IL15: variants seen among roughly 807,000 people sequenced by gnomAD.
IL15 encodes interleukin-15.
Under a neutral mutation model 19.6 loss-of-function variants are expected in IL15, and 11 were observed. The observed-to-expected ratio is 0.56, with a 90% confidence interval of 0.35 to 0.93. IL15 has a LOEUF of 0.93. Ranked by LOEUF, IL15 falls within the 40% of genes least tolerant of loss-of-function variation. The pLI is 0.01. For synonymous variants in IL15, 58 were observed against 59.6 expected, an observed-to-expected ratio of 0.97 and a Z score of 0.12; for missense variants, 197 against 186.5, an observed-to-expected ratio of 1.06 and a Z score of -0.33.
intron 1 of IL15, among the ~76,000 whole-genome samples, chr4:141,644,788 A>G (rs1287870408): frequency 2.0e-5 from 3 of 152,140 alleles, no homozygotes; most frequent in Non-Finnish European, 2.9e-5. Context: ...TTAAAAAAAT[A>G]CCATTTCAAA....
intron 2 of IL15, among the ~76,000 whole-genome samples, chr4:141,681,064 A>G (rs1388304576): frequency 1.3e-5 from 2 of 152,122 alleles, no homozygotes; most frequent in Non-Finnish European, 2.9e-5. Context: ...AGCCCAGCCA[A>G]TATGCATTTA....
At chr4:141,688,651 G>A (rs963173384) in intron 2 of IL15, among the ~76,000 whole-genome samples, 1 of 119,650 alleles carries the variant, frequency 8.4e-6, no homozygotes, top group African/African-American at 2.9e-5. Context: ...TGGAACTCAT[G>A]GTTTTAGACC....
intron 2 of IL15, among the ~76,000 whole-genome samples, chr4:141,693,643 G>A (rs1728999637): frequency 6.6e-6 from 1 of 152,102 alleles, no homozygotes; most frequent in African/African-American, 2.4e-5. Context: ...AGTGGTAATT[G>A]TATGAAAGAT....
intron 2 of IL15, among the ~76,000 whole-genome samples, chr4:141,668,639 A>G (rs1407256927): frequency 6.6e-6 from 1 of 152,200 alleles, no homozygotes; most frequent in Non-Finnish European, 1.5e-5. Flanking sequence ...TTTAGCTCAC[A>G]TAGGTCTTCC....
At chr4:141,690,380 C>T (rs547216400) in intron 2 of IL15, among the ~76,000 whole-genome samples, 2 of 152,310 alleles carry the variant, frequency 1.3e-5, no homozygotes, top group African/African-American at 4.8e-5. Context: ...TCGCCGAGAG[C>T]GAGCGAGGGC....
At chr4:141,684,862 G>A (rs60699545) in intron 2 of IL15, among the ~76,000 whole-genome samples, 3,067 of 152,064 alleles carry the variant, frequency 0.02, 107 homozygotes, top group African/African-American at 0.069. Context: ...TTTATTGCAT[G>A]TAGAGTCATA....
intron 5 of IL15, among the ~76,000 whole-genome samples, chr4:141,726,994 C>T (rs1049562202): frequency 1.3e-5 from 2 of 152,106 alleles, no homozygotes; most frequent in African/African-American, 2.4e-5. Flanking sequence ...CCAACTATGA[C>T]ATTTTGAAAA....
intron 2 of IL15, among the ~76,000 whole-genome samples, chr4:141,672,970 A>T (rs1222429691): frequency 1.3e-5 from 2 of 152,172 alleles, no homozygotes; most frequent in Non-Finnish European, 2.9e-5. Context: ...GCATGTTTGC[A>T]TAGCACCCTC....
chr4:141,722,034 G>T (rs1472950105), intron 5 of IL15, 26 bp downstream of exon 5: 1 of 1,554,340 alleles, frequency 6.4e-7, no homozygotes, highest in Non-Finnish European at 8.8e-7. Context: ...TCCATAAAAT[G>T]CCTGGTATAA....
intron 2 of IL15, among the ~76,000 whole-genome samples, chr4:141,674,090 G>A (rs1310716666): frequency 2.6e-5 from 4 of 152,180 alleles, no homozygotes; most frequent in Non-Finnish European, 5.9e-5. Flanking sequence ...ATGAACCACA[G>A]CCTAGAGCCC....
At chr4:141,669,782 T>C (rs1728107862) in intron 2 of IL15, among the ~76,000 whole-genome samples, 1 of 151,842 alleles carries the variant, frequency 6.6e-6, no homozygotes, top group Admixed American at 6.6e-5. Context: ...TTGTATTTTT[T>C]TTTTTTTAAC....
intron 2 of IL15, among the ~76,000 whole-genome samples, chr4:141,712,850 T>A (rs912252259): frequency 6.6e-6 from 1 of 151,746 alleles, no homozygotes; most frequent in Non-Finnish European, 1.5e-5. Context: ...TGTCTTATTT[T>A]AAGCATTCCA....
intron 1 of IL15, among the ~76,000 whole-genome samples, chr4:141,654,494 A>T (rs982380911): frequency 2.0e-5 from 3 of 152,136 alleles, no homozygotes; most frequent in Non-Finnish European, 4.4e-5. Flanking sequence ...GTCTCCAGGG[A>T]CTCAGTTTCT....
At chr4:141,693,711 C>T (rs1729001652) in intron 2 of IL15, among the ~76,000 whole-genome samples, 1 of 152,120 alleles carries the variant, frequency 6.6e-6, no homozygotes, top group Non-Finnish European at 1.5e-5. Context: ...TTTAGATACA[C>T]ATTTGTTGGA....
intron 2 of IL15, among the ~76,000 whole-genome samples, chr4:141,697,794 C>T (rs1016435843): frequency 2.6e-5 from 4 of 150,970 alleles, no homozygotes; most frequent in African/African-American, 7.3e-5. Context: ...ACAATTCAAT[C>T]GATGTCTTCT....
intron 2 of IL15, among the ~76,000 whole-genome samples, chr4:141,678,527 C>T (rs187663062): frequency 6.6e-5 from 10 of 151,454 alleles, no homozygotes; most frequent in African/African-American, 2.4e-4. Flanking sequence ...ACTAGGGACC[C>T]CATGGATTTT....
intron 2 of IL15, 59 bp from the exon 3 acceptor site, chr4:141,719,303 TTCCC>T (rs1729993151): frequency 7.3e-6 from 4 of 550,246 alleles, no homozygotes; most frequent in African/African-American, 1.9e-5. Flanking sequence ...TAAGTATTAA[TTCCC>T]TCCCTTTCTT....
At chr4:141,717,952 T>C (rs6820474) in intron 2 of IL15, 117,705 of 152,148 alleles carry the variant, frequency 0.77, 45,855 homozygotes, top group East Asian at 0.99. Flanking sequence ...CGAGCCACCA[T>C]GCCCGGCCAA....
intron 2 of IL15, among the ~76,000 whole-genome samples, chr4:141,659,073 T>A (rs1727703443): frequency 6.6e-6 from 1 of 151,914 alleles, no homozygotes; most frequent in Non-Finnish European, 1.5e-5. Flanking sequence ...ATGGTCTCGA[T>A]CTCCTGACCT....
Sources: gnomAD v4.1 joint callset for allele counts (sites outside exome capture counted in the v4.1 genomes callset) on GRCh38, gnomAD v4.1.1 for gene constraint, MANE v1.5 for transcripts, NCBI Gene and HGNC (gene_info 2026-07-23, HGNC 2026-07-21) for gene names.